Variants in CYP4B1 observed in about 807,000 individuals in gnomAD.
The protein encoded by CYP4B1 is cytochrome P450 family 4 subfamily B member 1.
In CYP4B1, 45 loss-of-function variants were observed where a neutral mutation model predicts 54.0. That is an observed-to-expected ratio of 0.83 (90% CI 0.66 to 1.07). The LOEUF (loss-of-function observed/expected upper bound fraction) is 1.07. Ranked by LOEUF, CYP4B1 falls within the 50% of genes least tolerant of loss-of-function variation. The pLI, the probability that CYP4B1 is intolerant of heterozygous loss-of-function variation, is 0.00. For missense variants in CYP4B1, 656 were observed against 655.4 expected (o/e 1.00, Z -0.01); for synonymous variants, 248 against 247.5 (o/e 1.00, Z -0.02).
intron 8 of CYP4B1, among the ~76,000 whole-genome samples, chr1:46,815,613 G>A (rs139260218): frequency 1.3e-5 from 2 of 152,312 alleles, no homozygotes; most frequent in South Asian, 2.1e-4. Context: ...GTGGAAATGT[G>A]GGGGTGAACA....
intron 9 of CYP4B1, chr1:46,817,402 T>C: frequency 1.7e-6 from 1 of 585,014 alleles, no homozygotes; most frequent in African/African-American, 1.9e-5. Context: ...AGTATCTATG[T>C]TTCTAGGCTG....
At chr1:46,815,334 A>G (rs1351134965) in intron 8 of CYP4B1, 70 bp downstream of exon 8, 46 of 1,387,588 alleles carry the variant, frequency 3.3e-5, no homozygotes. Context: ...CCTGTCCTGA[A>G]CCATCCTGGA....
intron 1 of CYP4B1, among the ~76,000 whole-genome samples, chr1:46,802,607 AC>A (rs1191862826): frequency 1.3e-5 from 2 of 152,172 alleles, no homozygotes; most frequent in Middle Eastern, 6.8e-3. Flanking sequence ...TCTCAAATCA[AC>A]CCAGTCTTTG....
At position 46,801,651 on chromosome 1, in the gene CYP4B1, G is replaced by A. The variant is rs1461584024; in HGVS notation, c.180+2390G>A. Among the ~76,000 whole-genome samples, 5 of 152,170 alleles carry A rather than the reference G, an allele frequency of 3.3e-5. No homozygotes were observed. In the South Asian group the frequency reaches 1.0e-3, roughly 31 times the overall value. On this transcript the variant is annotated intron_variant, in intron 1 of 11. Coordinates refer to ENST00000371923, the MANE Select transcript of CYP4B1 (RefSeq NM_001099772.2). ...CAGTCCTCAAGGGCTTGGCACCTCT[G>A]TTCTTGCCTGGATTCATACCTGAAC...
chr1:46,800,173 TTCTTTCTTTC>T (rs67049902), intron 1 of CYP4B1, among the ~76,000 whole-genome samples: 58,953 of 81,064 alleles, frequency 0.73, 23,675 homozygotes, highest in Non-Finnish European at 0.83. Context: ...TCTTTTTTTC[TTCTTTCTTTC>T]TCTTTCTTTC....
Position 46,819,010 on chromosome 1 carries a change from C to A in CYP4B1, c.*196C>A. On this transcript the variant is annotated 3_prime_UTR_variant, in exon 12 of 12. Transcript: ENST00000371923. ...TGTGTGTCTATAAATGTTTATCATG[C>A]ATGTATTCTAGAGCTCATTCATTTA... 1 of 543,558 alleles carries A rather than the reference C, an allele frequency of 1.8e-6. No homozygotes were observed. Among genetic ancestry groups the A allele is most frequent in the Non-Finnish European group, 3.3e-6 (1 of 307,328 alleles). 33.7% of individuals were successfully genotyped at this position (543,558 alleles called of 1,614,324 possible).
In CYP4B1 at chr1:46,818,237, G is replaced by A. The variant is rs377503842; in HGVS notation, c.1355+24G>A. The A allele has an allele frequency of 8.7e-6, 14 of 1,605,850 alleles. No homozygotes were observed. In the African/African-American group the frequency reaches 1.6e-4, roughly 18 times the overall value. On this transcript the variant is annotated intron_variant, in intron 11 of 11. Coordinates refer to ENST00000371923, the MANE Select transcript of CYP4B1 (RefSeq NM_001099772.2). ...AGGTATGGAGAGACCCAGTATCCCA[G>A]GCCCTCAGGACTGGGGAGGAGAGGG...
intron 1 of CYP4B1, among the ~76,000 whole-genome samples, chr1:46,804,410 G>C (rs1678777742): frequency 6.6e-6 from 1 of 152,010 alleles, no homozygotes; most frequent in Non-Finnish European, 1.5e-5. Flanking sequence ...GCTGAACAAA[G>C]GGAGGTTTGG....
intron 3 of CYP4B1, chr1:46,812,177 G>A (rs1468434727): frequency 2.0e-6 from 1 of 501,134 alleles, no homozygotes; most frequent in Non-Finnish European, 3.9e-6. Context: ...CTGTCCCCAG[G>A]GGGATGCGTG....
chr1:46,810,255 C>T (rs1158306079), intron 1 of CYP4B1, among the ~76,000 whole-genome samples: 2 of 152,220 alleles, frequency 1.3e-5, no homozygotes, highest in Admixed American at 1.3e-4. Context: ...ATTCTGAGCA[C>T]TCACTATTGT....
chr1:46,813,459 T>G (rs373396505), intron 4 of CYP4B1, 23 bp from the exon 5 acceptor site: 17 of 1,613,806 alleles, frequency 1.1e-5, no homozygotes, highest in Non-Finnish European at 1.4e-5. Flanking sequence ...TCCTACACAT[T>G]GCCTCCTATC....
chr1:46,818,340 A>C, intron 11 of CYP4B1, 127 bp downstream of exon 11: 1 of 901,432 alleles, frequency 1.1e-6, no homozygotes, highest in Non-Finnish European at 1.7e-6. Flanking sequence ...TGGTGGTTCT[A>C]ATGCAGGAGG....
chr1:46,808,635 C>T (rs1445182346), intron 1 of CYP4B1, among the ~76,000 whole-genome samples: 2 of 151,724 alleles, frequency 1.3e-5, no homozygotes, highest in African/African-American at 4.8e-5. Flanking sequence ...ACCCAAAGGA[C>T]TATAAATCAT....
chr1:46,810,562 G>C (rs911420238), intron 1 of CYP4B1, among the ~76,000 whole-genome samples: 1 of 152,216 alleles, frequency 6.6e-6, no homozygotes, highest in African/African-American at 2.4e-5. Flanking sequence ...ATGGAAGCAG[G>C]TTGGCTACTT....
intron 1 of CYP4B1, among the ~76,000 whole-genome samples, chr1:46,806,017 G>A (rs1376793574): frequency 6.6e-6 from 1 of 152,236 alleles, no homozygotes; most frequent in Non-Finnish European, 1.5e-5. Flanking sequence ...GTCCCAGAGG[G>A]AGACCCATGG....
intron 1 of CYP4B1, among the ~76,000 whole-genome samples, chr1:46,801,360 T>C (rs1227553588): frequency 6.6e-6 from 1 of 152,204 alleles, no homozygotes; most frequent in Non-Finnish European, 1.5e-5. Flanking sequence ...GTGTTTGCCC[T>C]CAGCCAGGGA....
intron 8 of CYP4B1, among the ~76,000 whole-genome samples, chr1:46,815,700 C>T (rs1679308856): frequency 6.6e-6 from 1 of 152,206 alleles, no homozygotes; most frequent in African/African-American, 2.4e-5. Flanking sequence ...GATGCCATAT[C>T]TCTCCTGCTG....
In CYP4B1 at chr1:46,812,641, G is replaced by C; in HGVS notation, c.495+18G>C. Reference sequence around the variant, plus strand: ...TCATGCTGGTGAGCTCCCTGTGCCAGAGTACTGGAGGCTGTTGCCTGCTGG... The same window carrying C: ...TCATGCTGGTGAGCTCCCTGTGCCACAGTACTGGAGGCTGTTGCCTGCTGG... On this transcript the variant is annotated intron_variant, in intron 4 of 11. Transcript: ENST00000371923. 6.2e-7 allele frequency: 1 copy of C among 1,610,394 alleles called. No individual in the cohort carries two copies.
At position 46,818,639 on chromosome 1, in the gene CYP4B1, T is replaced by G; in HGVS notation, c.1364T>G (p.Ile455Ser). The change falls in exon 12 of 12, where the codon ATT (isoleucine) becomes AGT (serine). Residue 455 changes from isoleucine (I) to serine (S), a missense_variant. Transcript: ENST00000371923. ...TGTGCTGCTTGCTACAGGAACTGCA[T>G]TGGGCAGCAGTTTGCCATGAGTGAG... ...MPFSAGPRNC[I>S]GQQFAMSEMK... 1.9e-6 allele frequency: 3 copies of G among 1,614,146 alleles called. No individual in the cohort carries two copies.
Sources: allele counts gnomAD v4.1 joint callset (sites outside exome capture counted in the v4.1 genomes callset), GRCh38; gene constraint gnomAD v4.1.1; transcripts MANE v1.5; gene names NCBI Gene and HGNC (gene_info 2026-07-23, HGNC 2026-07-21).